Variants in GARNL3 observed in about 807,000 individuals in gnomAD.
GARNL3 encodes the protein GTPase-activating Rap/Ran-GAP domain-like protein 3.
A neutral mutation model predicts 125.0 loss-of-function variants in GARNL3; 63 were observed. The observed-to-expected ratio is 0.50, with a 90% CI of 0.41 to 0.62. The LOEUF (loss-of-function observed/expected upper bound fraction) is 0.62, where lower values mean the gene tolerates loss of function less well. Among genes scored for constraint, GARNL3 ranks in the 20% least tolerant of loss-of-function variants. The pLI is 0.00. For missense variants in GARNL3, 994 were observed against 1,244.0 expected (o/e 0.80, Z 3.02); for synonymous variants, 439 against 457.5 (o/e 0.96, Z 0.52).
Position 127,384,505 on chromosome 9 carries a change from T to G in GARNL3, c.2270-522T>G, listed in dbSNP as rs1195073597. Reference sequence around the variant, plus strand: ...ACAAATAACTCAGCAAACCCCTTGATGCCGAGGGACACTGCGAGGGCCAGT... The same window carrying G: ...ACAAATAACTCAGCAAACCCCTTGAGGCCGAGGGACACTGCGAGGGCCAGT... On this transcript the variant is annotated intron_variant, in intron 23 of 27. Transcript: ENST00000373387. The surrounding 1 kb of genome is among the most constrained non-coding windows in gnomAD (Gnocchi z 4.0). Among the ~76,000 whole-genome samples, 1 of 152,132 alleles carries G rather than the reference T, an allele frequency of 6.6e-6. No homozygotes were observed. Among genetic ancestry groups the G allele is most frequent in the East Asian group, 1.9e-4 (1 of 5,168 alleles).
At chr9:127,231,048 A>ATTTTTTTTT (rs1437296463) in intron 1 of GARNL3, among the ~76,000 whole-genome samples, 3 of 43,702 alleles carry the variant, frequency 6.9e-5, no homozygotes, top group African/African-American at 2.5e-4. Context: ...ATATATATAT[A>ATTTTTTTTT]TATTTTTTTT....
At chr9:127,365,439 AG>A (rs1831235355) in intron 22 of GARNL3, 73 bp downstream of exon 22, 1 of 1,196,310 alleles carries the variant, frequency 8.4e-7, no homozygotes, top group African/African-American at 1.5e-5. Context: ...CAATTTAAAA[AG>A]ATTGTCCTTA....
chr9:127,253,624 T>C (rs2063444320), intron 2 of GARNL3, among the ~76,000 whole-genome samples: 1 of 152,084 alleles, frequency 6.6e-6, no homozygotes, highest in Non-Finnish European at 1.5e-5. Flanking sequence ...TAAGGGCAGC[T>C]CAGCAAATGA....
chr9:127,276,499 T>C (rs1408064703), intron 1 of GARNL3, among the ~76,000 whole-genome samples: 1 of 152,220 alleles, frequency 6.6e-6, no homozygotes, highest in Non-Finnish European at 1.5e-5. Flanking sequence ...TTTCCCTGTC[T>C]TAAAATTGGT....
chr9:127,230,985 CATATATGTATATATACACATATGTGTAT>C, intron 1 of GARNL3, among the ~76,000 whole-genome samples: 1 of 136,826 alleles, frequency 7.3e-6, no homozygotes, highest in East Asian at 2.1e-4. Flanking sequence ...TGTGTATACA[CATATATGTATATATACACATATGTGTAT>C]ATATACATAT....
At chr9:127,313,349 G>C in intron 3 of GARNL3, 92 bp from the exon 4 acceptor site, 1 of 865,514 alleles carries the variant, frequency 1.2e-6, no homozygotes, top group Non-Finnish European at 2.0e-6. Context: ...CTGAGCATGT[G>C]GGAAGGGCTG....
chr9:127,383,586 A>C (rs1832386892), intron 23 of GARNL3, 41 bp downstream of exon 23: 1 of 1,351,896 alleles, frequency 7.4e-7, no homozygotes, highest in African/African-American at 1.4e-5. Context: ...TCCTTCATGG[A>C]TATGTCTGAA....
At chr9:127,253,468 G>A (rs1409764564) in intron 2 of GARNL3, among the ~76,000 whole-genome samples, 5 of 152,186 alleles carry the variant, frequency 3.3e-5, no homozygotes. Context: ...TAGGTGCTTA[G>A]GCTTAGTACT....
At chr9:127,282,258 A>G (rs1168690009) in intron 1 of GARNL3, among the ~76,000 whole-genome samples, 1 of 152,258 alleles carries the variant, frequency 6.6e-6, no homozygotes, top group African/African-American at 2.4e-5. Flanking sequence ...CAGATCTTCC[A>G]AGAGTTTAAA....
At chr9:127,284,451 A>G (rs1332177752) in intron 1 of GARNL3, among the ~76,000 whole-genome samples, 2 of 151,852 alleles carry the variant, frequency 1.3e-5, no homozygotes, top group African/African-American at 4.8e-5. Flanking sequence ...AGTATCTTGG[A>G]TATGTTAATC....
At chr9:127,333,993 G>A (rs1279547929) in intron 9 of GARNL3, among the ~76,000 whole-genome samples, 1 of 152,076 alleles carries the variant, frequency 6.6e-6, no homozygotes, top group Non-Finnish European at 1.5e-5. Flanking sequence ...CTTGGGAGAG[G>A]GCCATAGGTC....
In GARNL3 at chr9:127,343,940, G is replaced by A. The variant is rs185412645; in HGVS notation, c.1252-295G>A. ...GATTGGCATCCCAGAGCTGTGCAAT[G>A]TGGTGGCCCAGGTCACACTGTTAGT... On this transcript the variant is annotated intron_variant, in intron 14 of 27. Coordinates refer to ENST00000373387, the MANE Select transcript of GARNL3 (RefSeq NM_032293.5). Among the ~76,000 whole-genome samples the A allele has an allele frequency of 7.2e-5, 11 of 152,254 alleles. 1 individual carries two copies. The East Asian group carries it at 2.1e-3, about 29-fold the overall frequency.
In GARNL3 at chr9:127,236,678, C is replaced by G. The variant is rs981880689; in HGVS notation, c.-28-6401C>G. ...CTGGCCTCAGTTCCCCCTGCTTCGGCCTCTCAAAGTGCTGGGATTACAGGT... is the reference window on the plus strand; with the variant it reads ...CTGGCCTCAGTTCCCCCTGCTTCGGGCTCTCAAAGTGCTGGGATTACAGGT... On this transcript the variant is annotated intron_variant, in intron 1 of 10. Transcript: ENST00000439286. Among the ~76,000 whole-genome samples the G allele has an allele frequency of 7.9e-5, 12 of 152,234 alleles. 1 individual carries two copies. Among genetic ancestry groups the G allele is most frequent in the Admixed American group, 5.2e-4 (8 of 15,288 alleles).
intron 2 of GARNL3, chr9:127,300,900 G>T: frequency 4.1e-6 from 1 of 242,786 alleles, no homozygotes; most frequent in South Asian, 4.8e-5. Flanking sequence ...GACTCACAGT[G>T]GGTAATCAGC....
At chr9:127,271,074 T>A (rs1288701832) in intron 1 of GARNL3, among the ~76,000 whole-genome samples, 1 of 150,188 alleles carries the variant, frequency 6.7e-6, no homozygotes, top group African/African-American at 2.5e-5. Flanking sequence ...AGATTTTCTC[T>A]GGAGATGATA....
At chr9:127,227,036 T>C (rs1249132995) in intron 1 of GARNL3, among the ~76,000 whole-genome samples, 2 of 152,244 alleles carry the variant, frequency 1.3e-5, no homozygotes. Flanking sequence ...ATGTGGCTAG[T>C]TGAGCTAAGG....
At position 127,339,717 on chromosome 9, in the gene GARNL3, C is replaced by A. The variant is rs1829759462; in HGVS notation, c.1101C>A (p.Asp367Glu). ...PPLPTPPVFT[D>E]HQEFRDFLLV... ...TGCCAACTCCACCAGTGTTTACAGA[C>A]CACCAGGAATTCAGGGACTTTTTGC... is the stretch of plus-strand genomic sequence containing the variant. The change falls in exon 13 of 28, where the codon GAC (aspartate) becomes GAA (glutamate). Residue 367 changes from aspartate to glutamate, a missense_variant. Physicochemically the swap from Asp to Glu is conservative, Grantham distance 45. This residue lies in a region of GARNL3 where 728 missense variants were observed against 865.7 expected (regional missense o/e 0.84). Transcript: ENST00000373387. The A allele has an allele frequency of 6.2e-7, 1 of 1,613,462 alleles. No individual in the cohort carries two copies. The highest frequency in any genetic ancestry group is 8.5e-7 in the Non-Finnish European group (1 of 1,179,386).
intron 17 of GARNL3, among the ~76,000 whole-genome samples, chr9:127,351,104 A>G (rs1830401268): frequency 6.6e-6 from 1 of 152,262 alleles, no homozygotes; most frequent in Admixed American, 6.5e-5. Flanking sequence ...TTTGTGATTT[A>G]AAGAATGTTC....
chr9:127,287,181 T>C lies in GARNL3; in HGVS notation c.145-3987T>C, dbSNP rs563524319. On this transcript the variant is annotated intron_variant, in intron 1 of 27. Coordinates refer to ENST00000373387, the MANE Select transcript of GARNL3 (RefSeq NM_032293.5). ...AATGGGGTCTAGCTTTGTGTCCAGC[T>C]ATGATTCTGCACTGTGACAAATGGC... Among the ~76,000 whole-genome samples, 7 of 152,306 alleles carry C rather than the reference T, an allele frequency of 4.6e-5. No homozygotes were observed. The East Asian group carries it at 1.2e-3, about 25-fold the overall frequency.
Sources: gnomAD v4.1 joint callset for allele counts (sites outside exome capture counted in the v4.1 genomes callset) on GRCh38, gnomAD v4.1.1 for gene constraint, gnomAD v4.1.1 regional missense constraint, Gnocchi (gnomAD v3.1) non-coding constraint, MANE v1.5 for transcripts, NCBI Gene and HGNC (gene_info 2026-07-23, HGNC 2026-07-21) for gene names.